VAPA: variants seen among roughly 807,000 people sequenced by gnomAD.
VAPA encodes vesicle-associated membrane protein-associated protein A.
A neutral mutation model predicts 25.6 loss-of-function variants in VAPA; 6 were observed. That is an observed-to-expected ratio of 0.23 (90% CI 0.13 to 0.46). The LOEUF (loss-of-function observed/expected upper bound fraction) is 0.46. VAPA is among the 20% of genes least tolerant of loss of function. The probability of loss-of-function intolerance (pLI) is 0.99; values close to 1 mark genes in which losing one functional copy is unlikely to be tolerated. For missense variants in VAPA, 244 were observed against 302.1 expected, an observed-to-expected ratio of 0.81 and a Z score of 1.43; for synonymous variants, 112 against 106.2, an observed-to-expected ratio of 1.05 and a Z score of -0.34.
intron 4 of VAPA, among the ~76,000 whole-genome samples, chr18:9,937,981 A>T (rs2069328135): frequency 6.6e-6 from 1 of 152,190 alleles, no homozygotes; most frequent in Non-Finnish European, 1.5e-5. Flanking sequence ...GAATTTTTAA[A>T]ATGCCTCTTT....
chr18:9,929,288 C>T (rs553381747), intron 1 of VAPA, among the ~76,000 whole-genome samples: 1 of 152,232 alleles, frequency 6.6e-6, no homozygotes. Context: ...GTCTACCGTC[C>T]TGTTTCCTGC....
chr18:9,949,966 C>A (rs3025579), intron 4 of VAPA: 1 of 155,636 alleles, frequency 6.4e-6, no homozygotes, highest in Non-Finnish European at 1.4e-5. Flanking sequence ...ACGATAATAT[C>A]CCCCTACCCC....
At chr18:9,933,337 C>A (rs919793811) in intron 2 of VAPA, among the ~76,000 whole-genome samples, 2 of 152,064 alleles carry the variant, frequency 1.3e-5, no homozygotes, top group African/African-American at 4.8e-5. Flanking sequence ...TAGCCAAAAA[C>A]CTCAAGAGCT....
At chr18:9,915,984 G>GT (rs149595419) in intron 1 of VAPA, among the ~76,000 whole-genome samples, 8,139 of 151,420 alleles carry the variant, frequency 0.054, 260 homozygotes, top group South Asian at 0.14. Flanking sequence ...TGTATGGTGT[G>GT]TTTTTTTTTA....
At chr18:9,923,266 GATTA>G (rs2069172304) in intron 1 of VAPA, among the ~76,000 whole-genome samples, 1 of 150,700 alleles carries the variant, frequency 6.6e-6, no homozygotes, top group Non-Finnish European at 1.5e-5. Context: ...TTAAGGAAAT[GATTA>G]GATTGAATTA....
chr18:9,949,764 C>G (rs1040965501), intron 4 of VAPA: 1 of 152,316 alleles, frequency 6.6e-6, no homozygotes, highest in Admixed American at 6.5e-5. Context: ...CCTTCACTAG[C>G]TTCAAATGGT....
chr18:9,918,919 T>C (rs1442392748), intron 1 of VAPA, among the ~76,000 whole-genome samples: 4 of 152,232 alleles, frequency 2.6e-5, no homozygotes, highest in African/African-American at 4.8e-5. Context: ...ATTTTTGAGA[T>C]GGGGTCTTGC....
In VAPA at chr18:9,956,975, A is replaced by C. The variant is rs2069558149; in HGVS notation, c.*2764A>C. ...TGTGTGGTATGTTCCCTTAAAAAAAAATGACACTTGGAAGAAAAATGTATG... is the reference window on the plus strand; with the variant it reads ...TGTGTGGTATGTTCCCTTAAAAAAACATGACACTTGGAAGAAAAATGTATG... On this transcript the variant is annotated 3_prime_UTR_variant, in exon 6 of 6. Transcript: ENST00000400000. The C allele has an allele frequency of 6.6e-6, 1 of 152,238 alleles. No homozygotes were observed. The highest frequency in any genetic ancestry group is 1.5e-5 in the Non-Finnish European group (1 of 68,048). The allele number at this position is 152,238 out of a possible 1,614,324, so 9.4% of individuals were successfully genotyped here.
intron 4 of VAPA, among the ~76,000 whole-genome samples, chr18:9,944,264 T>G (rs1239976237): frequency 6.6e-6 from 1 of 152,146 alleles, no homozygotes; most frequent in Non-Finnish European, 1.5e-5. Context: ...GGTCTTATCA[T>G]AAAATGGTTG....
intron 1 of VAPA, among the ~76,000 whole-genome samples, chr18:9,930,431 CT>C (rs2069242195): frequency 6.6e-6 from 1 of 152,122 alleles, no homozygotes; most frequent in Non-Finnish European, 1.5e-5. Context: ...GCCTTTAAGA[CT>C]TCTAGTTTTA....
At chr18:9,917,887 C>G (rs1243721816) in intron 1 of VAPA, among the ~76,000 whole-genome samples, 3 of 152,130 alleles carry the variant, frequency 2.0e-5, no homozygotes, top group African/African-American at 7.2e-5. Context: ...TTCATGTTTC[C>G]CAGTGGCTAT....
chr18:9,927,326 T>TG (rs1259844119), intron 1 of VAPA, among the ~76,000 whole-genome samples: 2 of 152,134 alleles, frequency 1.3e-5, no homozygotes, highest in Admixed American at 1.3e-4. Flanking sequence ...AATAAAATGT[T>TG]GGGGGAAAAG....
chr18:9,947,726 T>G (rs1302709753), intron 4 of VAPA: 1 of 152,170 alleles, frequency 6.6e-6, no homozygotes, highest in Admixed American at 6.5e-5. Flanking sequence ...TTGAAGCAAC[T>G]CTCAAGAAAC....
chr18:9,930,176 A>G (rs2069239345), intron 1 of VAPA, among the ~76,000 whole-genome samples: 1 of 152,202 alleles, frequency 6.6e-6, no homozygotes, highest in South Asian at 2.1e-4. Flanking sequence ...AAAAACTTAC[A>G]TAATTATGTT....
intron 2 of VAPA, among the ~76,000 whole-genome samples, 156 bp from the exon 3 acceptor site, chr18:9,935,954 A>T (rs1567896815): frequency 6.6e-6 from 1 of 152,150 alleles, no homozygotes; most frequent in Non-Finnish European, 1.5e-5. Context: ...GGTTTTTTTT[A>T]AATTTGCATA....
chr18:9,921,833 T>C (rs923965709), intron 1 of VAPA, among the ~76,000 whole-genome samples: 12 of 152,316 alleles, frequency 7.9e-5, no homozygotes, highest in African/African-American at 2.9e-4. Flanking sequence ...AATTAGTAAG[T>C]TTTAAACGTT....
intron 5 of VAPA, among the ~76,000 whole-genome samples, chr18:9,952,113 G>T (rs969505999): frequency 6.6e-6 from 1 of 152,186 alleles, no homozygotes; most frequent in Non-Finnish European, 1.5e-5. Context: ...GGGGAGAAGT[G>T]GAAACAGTGA....
In VAPA at chr18:9,955,927, G is replaced by A. The variant is rs3025541; in HGVS notation, c.*1716G>A. 5 of 152,108 alleles carry A rather than the reference G, an allele frequency of 3.3e-5. No individual in the cohort carries two copies. The highest frequency in any genetic ancestry group is 1.2e-4 in the African/African-American group (5 of 41,414). The allele number at this position is 152,108 out of a possible 1,614,324, so 9.4% of individuals were successfully genotyped here. A position where few individuals can be genotyped will look rare whatever the true frequency, so the allele number is the denominator to read the frequency against. On this transcript the variant is annotated 3_prime_UTR_variant, in exon 6 of 6. Coordinates refer to ENST00000400000, the MANE Select transcript of VAPA (RefSeq NM_194434.3). The stretch of plus-strand genomic sequence containing the variant: ...CTCCCCTTTTCTGGTAACTGGAAAA[G>A]CATGCTAAAAATAGTCTTATATTTT...
In VAPA at chr18:9,931,961, A is replaced by G; in HGVS notation, c.231A>G (p.Ser77=). ...IIDPGSTVTV[S]VMLQPFDYDP... is the part of the protein sequence containing the mutation. ...ACCCAGGGTCAACTGTGACTGTTTC[A>G]GGTAGCAAATCATGTTCTGAATTTA... The change falls in exon 2 of 6, where the codon TCA becomes TCG. Residue 77 remains serine, a splice_region_variant and synonymous_variant. Transcript: ENST00000400000. 6.3e-7 allele frequency: 1 copy of G among 1,581,474 alleles called. No homozygotes were observed. The highest frequency in any genetic ancestry group is 8.6e-7 in the Non-Finnish European group (1 of 1,164,058).
Sources: allele counts gnomAD v4.1 joint callset (sites outside exome capture counted in the v4.1 genomes callset), GRCh38; gene constraint gnomAD v4.1.1; transcripts MANE v1.5; gene names NCBI Gene and HGNC (gene_info 2026-07-23, HGNC 2026-07-21).